The following BMP5 variants were observed in gnomAD, a reference collection of about 807,000 sequenced individuals.
The protein encoded by BMP5 is bone morphogenetic protein 5.
Under a neutral mutation model 46.6 loss-of-function variants are expected in BMP5, and 23 were observed. The observed-to-expected ratio is 0.49, with a 90% CI of 0.35 to 0.70. The LOEUF is 0.70. Among genes scored for constraint, BMP5 ranks in the 30% least tolerant of loss-of-function variants. The probability of loss-of-function intolerance (pLI) is 0.00; values close to 1 mark genes in which losing one functional copy is unlikely to be tolerated. For synonymous variants in BMP5, 204 were observed against 191.9 expected, an observed-to-expected ratio of 1.06 and a Z score of -0.52; for missense variants, 545 against 565.6, an observed-to-expected ratio of 0.96 and a Z score of 0.37.
At chr6:55,868,657 T>A (rs1777707926) in intron 1 of BMP5, among the ~76,000 whole-genome samples, 1 of 152,188 alleles carries the variant, frequency 6.6e-6, no homozygotes, top group Admixed American at 6.6e-5. Flanking sequence ...CCACAGCTTC[T>A]TGGTCAAGAC....
chr6:55,874,280 T>TA, intron 1 of BMP5, 96 bp downstream of exon 1: 1 of 1,515,908 alleles, frequency 6.6e-7, no homozygotes, highest in Non-Finnish European at 9.1e-7. Flanking sequence ...AAAATGTCTT[T>TA]ATATAAACAT....
intron 2 of BMP5, among the ~76,000 whole-genome samples, chr6:55,810,809 T>C (rs1419635665): frequency 6.6e-6 from 1 of 152,218 alleles, no homozygotes; most frequent in Non-Finnish European, 1.5e-5. Flanking sequence ...AGAGGAGCTG[T>C]CCTGTCCATT....
chr6:55,854,273 A>G (rs564031969), intron 1 of BMP5, among the ~76,000 whole-genome samples: 16 of 152,232 alleles, frequency 1.1e-4, no homozygotes, highest in Non-Finnish European at 2.1e-4. Context: ...CTGATACTAA[A>G]CAAAATATAT....
At position 55,754,750 on chromosome 6, in the gene BMP5, T is replaced by C. The variant is rs1004114110; in HGVS notation, c.*783A>G. Reference sequence around the variant, plus strand: ...TGAAAAAAAAATTCTGCAGCAGTAGTGTTCTAGATAATAGGCAGACATGAT... The same window carrying C: ...TGAAAAAAAAATTCTGCAGCAGTAGCGTTCTAGATAATAGGCAGACATGAT... On this transcript the variant is annotated 3_prime_UTR_variant, in exon 7 of 7. Transcript: ENST00000370830. The C allele has an allele frequency of 6.6e-6, 1 of 151,996 alleles. No homozygotes were observed. The highest frequency in any genetic ancestry group is 6.6e-5 in the Admixed American group (1 of 15,228). The allele number at this position is 151,996 out of a possible 1,614,324, so 9.4% of individuals were successfully genotyped here.
At chr6:55,833,372 A>G (rs1212154074) in intron 1 of BMP5, among the ~76,000 whole-genome samples, 1 of 152,196 alleles carries the variant, frequency 6.6e-6, no homozygotes, top group Non-Finnish European at 1.5e-5. Context: ...CTTTGAAAAC[A>G]TATCAACATC....
At chr6:55,767,567 T>A (rs1210263203) in intron 4 of BMP5, among the ~76,000 whole-genome samples, 1 of 145,480 alleles carries the variant, frequency 6.9e-6, no homozygotes, top group Non-Finnish European at 1.5e-5. Flanking sequence ...GATGGATAGA[T>A]GATAGATAAA....
intron 3 of BMP5, among the ~76,000 whole-genome samples, chr6:55,792,406 C>T (rs982323753): frequency 7.9e-5 from 12 of 151,960 alleles, no homozygotes; most frequent in Admixed American, 5.2e-4. Flanking sequence ...TGGTGGCAGG[C>T]GCCTGTAGTC....
chr6:55,800,800 C>G (rs868678902), intron 2 of BMP5, among the ~76,000 whole-genome samples: 4 of 152,126 alleles, frequency 2.6e-5, no homozygotes, highest in South Asian at 2.1e-4. Context: ...AAAGAGAAAT[C>G]AAATAATTTT....
At chr6:55,784,488 T>TA (rs1775400296) in intron 3 of BMP5, among the ~76,000 whole-genome samples, 1 of 151,830 alleles carries the variant, frequency 6.6e-6, no homozygotes, top group African/African-American at 2.4e-5. Context: ...AAGACTAAAT[T>TA]AAGAAGAGGG....
intron 2 of BMP5, among the ~76,000 whole-genome samples, chr6:55,795,610 G>A (rs896854919): frequency 3.3e-5 from 5 of 151,920 alleles, no homozygotes; most frequent in African/African-American, 1.2e-4. Context: ...ATTTAAAAGT[G>A]AACCATTTTA....
chr6:55,806,283 A>G (rs1318935188), intron 2 of BMP5, among the ~76,000 whole-genome samples: 3 of 152,212 alleles, frequency 2.0e-5, no homozygotes, highest in Non-Finnish European at 4.4e-5. Context: ...AGCTTTCTGC[A>G]TATGGCTAGC....
At chr6:55,830,079 C>T (rs1776629589) in intron 1 of BMP5, among the ~76,000 whole-genome samples, 1 of 151,992 alleles carries the variant, frequency 6.6e-6, no homozygotes, top group East Asian at 1.9e-4. Context: ...CCAGTCTTTA[C>T]ATTTACAGTT....
chr6:55,789,142 A>G (rs1775517103), intron 3 of BMP5, among the ~76,000 whole-genome samples: 1 of 151,918 alleles, frequency 6.6e-6, no homozygotes, highest in Non-Finnish European at 1.5e-5. Flanking sequence ...ACAAAACGAC[A>G]TTTTGATGAC....
intron 1 of BMP5, among the ~76,000 whole-genome samples, chr6:55,864,202 C>A (rs1179819366): frequency 6.6e-6 from 1 of 151,962 alleles, no homozygotes; most frequent in African/African-American, 2.4e-5. Context: ...TAATAACTAC[C>A]CATCACAATT....
chr6:55,855,679 A>C (rs962683199), intron 1 of BMP5, among the ~76,000 whole-genome samples: 2 of 152,130 alleles, frequency 1.3e-5, no homozygotes, highest in African/African-American at 4.8e-5. Flanking sequence ...TCAGATGCTT[A>C]ATTTATTAAT....
chr6:55,843,566 G>A (rs1224574094), intron 1 of BMP5, among the ~76,000 whole-genome samples: 3 of 151,560 alleles, frequency 2.0e-5, no homozygotes, highest in Admixed American at 6.6e-5. Context: ...AGAACTAAAC[G>A]GTTTTTCTAT....
chr6:55,768,734 A>G (rs1045231778), intron 4 of BMP5, among the ~76,000 whole-genome samples: 6 of 151,946 alleles, frequency 3.9e-5, no homozygotes, highest in Non-Finnish European at 7.4e-5. Flanking sequence ...CAGTTCTGTA[A>G]TGATCCAGGA....
At chr6:55,762,748 G>T (rs533023778) in intron 4 of BMP5, among the ~76,000 whole-genome samples, 5 of 152,050 alleles carry the variant, frequency 3.3e-5, no homozygotes, top group African/African-American at 1.2e-4. Context: ...AAAAACAAAT[G>T]TTAGCTATGC....
intron 3 of BMP5, 29 bp downstream of exon 3, chr6:55,794,250 C>T (rs1554181987): frequency 1.9e-6 from 3 of 1,612,754 alleles, no homozygotes; most frequent in Admixed American, 3.3e-5. Flanking sequence ...ACAAGCTTCA[C>T]AAAAAAATAT....
Sources: gnomAD v4.1 joint callset for allele counts (sites outside exome capture counted in the v4.1 genomes callset) on GRCh38, gnomAD v4.1.1 for gene constraint, MANE v1.5 for transcripts, NCBI Gene and HGNC (gene_info 2026-07-23, HGNC 2026-07-21) for gene names.